The following BAG1 variants were observed in gnomAD, a reference collection of about 807,000 sequenced individuals.
BAG1 encodes the protein BAG cochaperone 1.
A neutral mutation model predicts 35.5 loss-of-function variants in BAG1; 35 were observed. The observed-to-expected ratio is 0.99, with a 90% CI of 0.75 to 1.31. BAG1 has a LOEUF of 1.31. BAG1 is among the 50% of genes most tolerant of loss of function. The pLI, the probability that BAG1 is intolerant of heterozygous loss-of-function variation, is 0.00. For missense variants in BAG1, 464 were observed against 453.6 expected, an observed-to-expected ratio of 1.02 and a Z score of -0.21; for synonymous variants, 191 against 178.9, an observed-to-expected ratio of 1.07 and a Z score of -0.54.
chr9:33,256,021 A>G (rs1454291661), intron 5 of BAG1, 94 bp from the exon 6 acceptor site: 1 of 1,155,388 alleles, frequency 8.7e-7, no homozygotes, highest in Admixed American at 1.8e-5. Context: ...CATAAGAAAC[A>G]CCCACAGTAC....
chr9:33,259,920 A>G (rs1464776479), intron 3 of BAG1: 3 of 152,264 alleles, frequency 2.0e-5, no homozygotes, highest in Non-Finnish European at 4.4e-5. Context: ...TGTTTTACAG[A>G]TGATGAAACT....
At chr9:33,261,484 G>T (rs1421756898) in intron 2 of BAG1, among the ~76,000 whole-genome samples, 5 of 152,064 alleles carry the variant, frequency 3.3e-5, no homozygotes, top group Non-Finnish European at 7.4e-5. Flanking sequence ...TCTTCAGTAG[G>T]CATTAAGGTC....
In BAG1 at chr9:33,264,486, G is replaced by A; in HGVS notation, c.189C>T (p.Ala63=). 1 of 1,610,908 alleles carries A rather than the reference G, an allele frequency of 6.2e-7. No individual in the cohort carries two copies. Among genetic ancestry groups the A allele is most frequent in the Non-Finnish European group, 8.5e-7 (1 of 1,179,210 alleles). ...TCCGCGGCCTGCGAGCGCCGGCGGC[G>A]GCGCCCCTGGTGGGTCGGTCATGCC... is the stretch of plus-strand genomic sequence containing the variant. Residue 63 remains alanine, a synonymous_variant, in exon 1 of 7, where the codon GCC becomes GCT. Coordinates refer to ENST00000634734, the MANE Select transcript of BAG1 (RefSeq NM_004323.6).
chr9:33,259,206 C>A, intron 3 of BAG1, 173 bp from the exon 4 acceptor site: 2 of 478,132 alleles, frequency 4.2e-6, no homozygotes, highest in Non-Finnish European at 3.8e-6. Context: ...ACTAAAAAAA[C>A]AAAAAAATTA....
chr9:33,258,631 G>T (rs757986119), intron 4 of BAG1, among the ~76,000 whole-genome samples: 1 of 152,162 alleles, frequency 6.6e-6, no homozygotes, highest in Non-Finnish European at 1.5e-5. Flanking sequence ...TGCTGGCTGG[G>T]GTTTGACAAT....
intron 3 of BAG1, chr9:33,260,412 C>T (rs1376290922): frequency 6.6e-6 from 1 of 152,250 alleles, no homozygotes; most frequent in Non-Finnish European, 1.5e-5. Context: ...GTCCTGAGTT[C>T]CAGTCTCCTG....
chr9:33,264,472 C>T lies in BAG1; in HGVS notation c.203G>A (p.Arg68His). 1 of 1,612,242 alleles carries T rather than the reference C, an allele frequency of 6.2e-7. No individual in the cohort carries two copies. Among genetic ancestry groups the T allele is most frequent in the Non-Finnish European group, 8.5e-7 (1 of 1,179,482 alleles). ...GGTTTTCTTCTTCATCCGCGGCCTG[C>T]GAGCGCCGGCGGCGGCGCCCCTGGT... The change falls in exon 1 of 7, where the codon CGC (arginine) becomes CAC (histidine). Residue 68 changes from arginine to histidine, a missense_variant. Physicochemically the swap from Arg to His is conservative, Grantham distance 29. Coordinates refer to ENST00000634734, the MANE Select transcript of BAG1 (RefSeq NM_004323.6).
At chr9:33,263,272 G>T (rs973717162) in intron 1 of BAG1, among the ~76,000 whole-genome samples, 1 of 152,158 alleles carries the variant, frequency 6.6e-6, no homozygotes, top group Non-Finnish European at 1.5e-5. Flanking sequence ...CCTGTGGCTT[G>T]ACTGCCCTGT....
At chr9:33,262,146 G>A in intron 2 of BAG1, 1 of 1,289,796 alleles carries the variant, frequency 7.8e-7, no homozygotes, top group Non-Finnish European at 1.0e-6. Context: ...CGAAAATGGT[G>A]AGATTTCTGC....
chr9:33,256,960 C>T (rs1286978559), intron 4 of BAG1, 52 bp from the exon 5 acceptor site: 1 of 1,361,944 alleles, frequency 7.3e-7, no homozygotes, highest in South Asian at 1.2e-5. Context: ...TGACGGAAGA[C>T]TCCATGCCAC....
chr9:33,263,664 T>A (rs1359156482), intron 1 of BAG1, among the ~76,000 whole-genome samples: 1 of 152,256 alleles, frequency 6.6e-6, no homozygotes, highest in East Asian at 1.9e-4. Flanking sequence ...CCCAGACCCT[T>A]GGGCCTCCCC....
intron 4 of BAG1, chr9:33,257,479 C>A (rs917581515): frequency 6.6e-6 from 1 of 152,218 alleles, no homozygotes; most frequent in Non-Finnish European, 1.5e-5. Flanking sequence ...GCCTAATGAC[C>A]AGTTAGCTGG....
rs773612275 is a variant in BAG1 at position 33,264,341 on chromosome 9, G to A, written c.334C>T (p.Gln112Ter). 3.2e-5 allele frequency: 52 copies of A among 1,613,676 alleles called. No individual in the cohort carries two copies. In the South Asian group the frequency reaches 5.5e-4, roughly 17 times the overall value. ...TGGCTCCGATTCATCTCTTCGCCCT[G>A]GGTCGCCTCCTCACTCTGGGTCGCC... is the stretch of plus-strand genomic sequence containing the variant. Residue 112 changes from glutamine to a stop codon, truncating the protein, a stop_gained, in exon 1 of 7, where the codon CAG becomes TAG. Transcript: ENST00000634734. LOFTEE classifies it high-confidence loss of function.
chr9:33,254,923 A>G lies in BAG1; in HGVS notation c.*296T>C. On this transcript the variant is annotated 3_prime_UTR_variant, in exon 7 of 7. Transcript: ENST00000634734. ...GGCAAATTAGAGCTCTCACCAGCCCAAAGAAAGCACCCAGAGGTCCAAACA... is the reference window on the plus strand; with the variant it reads ...GGCAAATTAGAGCTCTCACCAGCCCGAAGAAAGCACCCAGAGGTCCAAACA... 4 of 1,130,638 alleles carry G rather than the reference A, an allele frequency of 3.5e-6. No individual in the cohort carries two copies. Among genetic ancestry groups the G allele is most frequent in the Non-Finnish European group, 3.5e-6 (3 of 847,422 alleles). The allele number at this position is 1,130,638 out of a possible 1,614,324, so 70.0% of individuals were successfully genotyped here.
intron 6 of BAG1, 22 bp downstream of exon 6, chr9:33,255,843 C>T (rs1820441545): frequency 6.9e-6 from 11 of 1,601,536 alleles, no homozygotes; most frequent in African/African-American, 1.3e-5. Flanking sequence ...TACACCTTGT[C>T]GTGCACTATT....
rs752492326 is a variant in BAG1, at chr9:33,264,478, C to CCGG, written c.194_196dup (p.Ala65dup). ...CTTCTTCATCCGCGGCCTGCGAGCG[C>CCGG]CGGCGGCGGCGCCCCTGGTGGGTCG... On this transcript the variant is annotated inframe_insertion, in exon 1 of 7. Coordinates refer to ENST00000634734, the MANE Select transcript of BAG1 (RefSeq NM_004323.6). 9.3e-6 allele frequency: 15 copies of CCGG among 1,611,612 alleles called. No homozygotes were observed. The South Asian group carries it at 1.1e-4, about 12-fold the overall frequency.
chr9:33,263,442 A>C (rs2117979635), intron 1 of BAG1, among the ~76,000 whole-genome samples: 1 of 152,326 alleles, frequency 6.6e-6, no homozygotes, highest in South Asian at 2.1e-4. Context: ...TGAAGAAGAG[A>C]CGCCAATTCT....
intron 3 of BAG1, chr9:33,260,444 A>T (rs1820544639): frequency 6.6e-6 from 1 of 151,970 alleles, no homozygotes; most frequent in Admixed American, 6.6e-5. Flanking sequence ...TCTGGATTAG[A>T]TTTTTTTTGC....
At chr9:33,257,981 T>C (rs1820490523) in intron 4 of BAG1, 1 of 152,004 alleles carries the variant, frequency 6.6e-6, no homozygotes, top group East Asian at 1.9e-4. Context: ...AGTCAGCATG[T>C]ATTCTGTAAT....
Sources: allele counts gnomAD v4.1 joint callset (sites outside exome capture counted in the v4.1 genomes callset), GRCh38; gene constraint gnomAD v4.1.1; transcripts MANE v1.5; gene names NCBI Gene and HGNC (gene_info 2026-07-23, HGNC 2026-07-21).